Variants in SCRT2 observed in about 807,000 individuals in gnomAD.
SCRT2 encodes the protein scratch family transcriptional repressor 2, also known as transcriptional repressor scratch 2.
Under a neutral mutation model 3.7 loss-of-function variants are expected in SCRT2, and 2 were observed. The observed-to-expected ratio is 0.54, with a 90% confidence interval of 0.22 to 1.70. SCRT2 has a LOEUF of 1.70. SCRT2 is among the 40% of genes most tolerant of loss of function. The probability of loss-of-function intolerance (pLI) is 0.19; values close to 1 mark genes in which losing one functional copy is unlikely to be tolerated. For synonymous variants in SCRT2, 256 were observed against 220.6 expected, an observed-to-expected ratio of 1.16 and a Z score of -1.42; for missense variants, 456 against 468.5, an observed-to-expected ratio of 0.97 and a Z score of 0.25.
rs956268953 is a variant in SCRT2 at position 663,054 on chromosome 20, A to T, written c.*617T>A. On this transcript the variant is annotated 3_prime_UTR_variant, in exon 2 of 2. Transcript: ENST00000246104. This position sits in a 1 kb window ranked among gnomAD's most constrained non-coding sequence, Gnocchi z 6.9. The stretch of plus-strand genomic sequence containing the variant: ...GGCCAGACCTAAGGCCTGAGCATGG[A>T]TGGGATCAGGGACAGATCGGAGACT... The T allele has an allele frequency of 1.3e-5, 2 of 152,668 alleles. No homozygotes were observed. Among genetic ancestry groups the T allele is most frequent in the African/African-American group, 2.4e-5 (1 of 41,418 alleles). The allele number at this position is 152,668 out of a possible 1,614,324, so 9.5% of individuals were successfully genotyped here. A position where few individuals can be genotyped will look rare whatever the true frequency, so the allele number is the denominator to read the frequency against.
rs974424848 is a variant in SCRT2 at position 662,135 on chromosome 20, G to C, written c.*1536C>G. 4 of 152,930 alleles carry C rather than the reference G, an allele frequency of 2.6e-5. No homozygotes were observed. The highest frequency in any genetic ancestry group is 4.4e-5 in the Non-Finnish European group (3 of 68,302). 9.5% of individuals were successfully genotyped at this position (152,930 alleles called of 1,614,324 possible). ...AGCGGAGGAGGTAGTGGCGGCCAAC[G>C]GGCGGGTGGCTGGCAGCCCGGCCCC... On this transcript the variant is annotated 3_prime_UTR_variant, in exon 2 of 2. Transcript: ENST00000246104.
At chr20:669,475 G>A (rs1023506004) in intron 1 of SCRT2, among the ~76,000 whole-genome samples, 2 of 152,136 alleles carry the variant, frequency 1.3e-5, no homozygotes, top group African/African-American at 4.8e-5. Context: ...CTCCCAAGGT[G>A]CCAAACTTTC....
Position 675,460 on chromosome 20 carries a change from C to T in SCRT2, c.133+9G>A, listed in dbSNP as rs527965965. The T allele has an allele frequency of 6.0e-4, 789 of 1,320,286 alleles. 3 individuals are homozygous for T. The highest frequency in any genetic ancestry group is 2.7e-3 in the South Asian group (118 of 42,984). The allele number at this position is 1,320,286 out of a possible 1,614,324, so 81.8% of individuals were successfully genotyped here. Reference sequence around the variant, plus strand: ...TCCCAACCCCCCGCCCCCGCCGGGTCCCACTCACCGTTGTCCCCGGGAGGC... The same window carrying T: ...TCCCAACCCCCCGCCCCCGCCGGGTTCCACTCACCGTTGTCCCCGGGAGGC... On this transcript the variant is annotated intron_variant, in intron 1 of 1. Coordinates refer to ENST00000246104, the MANE Select transcript of SCRT2 (RefSeq NM_033129.4). This position sits in a 1 kb window ranked among gnomAD's most constrained non-coding sequence, Gnocchi z 6.9.
rs1470886286 is a variant in SCRT2 at position 664,206 on chromosome 20, C to G, written c.389G>C (p.Gly130Ala). 8 of 1,183,608 alleles carry G rather than the reference C, an allele frequency of 6.8e-6. No individual in the cohort carries two copies. The highest frequency in any genetic ancestry group is 7.3e-6 in the Non-Finnish European group (7 of 955,258). 73.3% of individuals were successfully genotyped at this position (1,183,608 alleles called of 1,614,324 possible). Reference sequence around the variant, plus strand: ...GGCGCCCCCCGCGTCTCCCGAGCCCCCCGCGTCCCCGCCGCCCCCGCCCCG... The same window carrying G: ...GGCGCCCCCCGCGTCTCCCGAGCCCGCCGCGTCCCCGCCGCCCCCGCCCCG... ...RRRGGGGGDA[G>A]GSGDAGGAGG... Residue 130 changes from glycine (G) to alanine (A), a missense_variant, in exon 2 of 2, where the codon GGG becomes GCG. By Grantham distance (60) the Gly-to-Ala change is moderately conservative (BLOSUM62 0). Coordinates refer to ENST00000246104, the MANE Select transcript of SCRT2 (RefSeq NM_033129.4). The surrounding 1 kb of genome is among the most constrained non-coding windows in gnomAD (Gnocchi z 7.9).
Position 667,861 on chromosome 20 carries a change from A to G in SCRT2, c.134-3400T>C, listed in dbSNP as rs555460919. Among the ~76,000 whole-genome samples the G allele has an allele frequency of 6.6e-6, 1 of 152,236 alleles. No homozygotes were observed. Among genetic ancestry groups the G allele is most frequent in the East Asian group, 1.9e-4 (1 of 5,176 alleles). On this transcript the variant is annotated intron_variant, in intron 1 of 1. Coordinates refer to ENST00000246104, the MANE Select transcript of SCRT2 (RefSeq NM_033129.4). This position sits in a 1 kb window ranked among gnomAD's most constrained non-coding sequence, Gnocchi z 4.4. Reference sequence around the variant, plus strand: ...CTTTGTGACTGTGGCCAGGTTGCTTAACCTTTCTGGGCGGAATCTATACAT... The same window carrying G: ...CTTTGTGACTGTGGCCAGGTTGCTTGACCTTTCTGGGCGGAATCTATACAT...
Position 662,941 on chromosome 20 carries a change from C to CTGGGAG in SCRT2, c.*724_*729dup, listed in dbSNP as rs1312279328. ...GAGGTGAGGGCAGCTGGAGCTGGGG[C>CTGGGAG]TGGGAGTGGGTGATGAGATCCCCAT... On this transcript the variant is annotated 3_prime_UTR_variant, in exon 2 of 2. Transcript: ENST00000246104. The CTGGGAG allele has an allele frequency of 6.5e-6, 1 of 152,828 alleles. No homozygotes were observed. The highest frequency in any genetic ancestry group is 1.5e-5 in the Non-Finnish European group (1 of 68,556). The allele number at this position is 152,828 out of a possible 1,614,324, so 9.5% of individuals were successfully genotyped here. A position where few individuals can be genotyped will look rare whatever the true frequency, so the allele number is the denominator to read the frequency against.
rs561664276 is a variant in SCRT2 at position 666,156 on chromosome 20, G to T, written c.134-1695C>A. 3.3e-5 allele frequency among the ~76,000 whole-genome samples: 5 copies of T among 152,110 alleles called. No individual in the cohort carries two copies. Among genetic ancestry groups the T allele is most frequent in the African/African-American group, 1.2e-4 (5 of 41,410 alleles). Reference sequence around the variant, plus strand: ...TTATGGAAGTGGATGACTCGGAAGCGGGGGGCTCTGTGGTTGGATGTAAAG... The same window carrying T: ...TTATGGAAGTGGATGACTCGGAAGCTGGGGGCTCTGTGGTTGGATGTAAAG... On this transcript the variant is annotated intron_variant, in intron 1 of 1. Coordinates refer to ENST00000246104, the MANE Select transcript of SCRT2 (RefSeq NM_033129.4). This position sits in a 1 kb window ranked among gnomAD's most constrained non-coding sequence, Gnocchi z 4.4.
At position 675,543 on chromosome 20, in the gene SCRT2, AC is replaced by A; in HGVS notation, c.58del (p.Val20CysfsTer83). 7.2e-7 allele frequency: 1 copy of A among 1,390,316 alleles called. No homozygotes were observed. The highest frequency in any genetic ancestry group is 9.4e-7 in the Non-Finnish European group (1 of 1,068,634). The allele number at this position is 1,390,316 out of a possible 1,614,324, so 86.1% of individuals were successfully genotyped here. ...CAAGGGGTGGTAGGTGGGGGCCGGC[AC>A]CCCGCTGCACTGGAAGCCGTCCCCT... ...IKGDGFQCSG[V>X]PAPTYHPLET... On this transcript the variant is annotated frameshift_variant, in exon 1 of 2. Coordinates refer to ENST00000246104, the MANE Select transcript of SCRT2 (RefSeq NM_033129.4). LOFTEE classifies it high-confidence loss of function. The surrounding 1 kb of genome is among the most constrained non-coding windows in gnomAD (Gnocchi z 6.9).
Position 662,287 on chromosome 20 carries a change from A to G in SCRT2, c.*1384T>C, listed in dbSNP as rs974771851. ...CCTGGGGTCCCTCGGGAAGAAGAAT[A>G]AACAGGAAACAAATCGAAGAGGCTC... On this transcript the variant is annotated 3_prime_UTR_variant, in exon 2 of 2. Coordinates refer to ENST00000246104, the MANE Select transcript of SCRT2 (RefSeq NM_033129.4). The G allele has an allele frequency of 1.3e-5, 2 of 152,716 alleles. No individual in the cohort carries two copies. Among genetic ancestry groups the G allele is most frequent in the Admixed American group, 6.5e-5 (1 of 15,294 alleles). 9.5% of individuals were successfully genotyped at this position (152,716 alleles called of 1,614,324 possible).
chr20:664,250 G>A lies in SCRT2; in HGVS notation c.345C>T (p.Asp115=). ...CGCCCCGCCGCCGCCGCGAGCGCCC[G>A]TCCGAGATGAAGAAGGCGTCCATGG... ...SYSMDAFFIS[D]GRSRRRRGGG... is the part of the protein sequence containing the mutation. The change falls in exon 2 of 2, where the codon GAC becomes GAT. Residue 115 remains aspartate, a synonymous_variant. Transcript: ENST00000246104. The surrounding 1 kb of genome is among the most constrained non-coding windows in gnomAD (Gnocchi z 7.9). The A allele has an allele frequency of 1.5e-6, 2 of 1,371,306 alleles. No homozygotes were observed. Among genetic ancestry groups the A allele is most frequent in the Non-Finnish European group, 1.9e-6 (2 of 1,046,740 alleles). 84.9% of individuals were successfully genotyped at this position (1,371,306 alleles called of 1,614,324 possible).
intron 1 of SCRT2, among the ~76,000 whole-genome samples, chr20:671,064 A>G (rs960553017): frequency 2.6e-5 from 4 of 152,180 alleles, no homozygotes; most frequent in Non-Finnish European, 5.9e-5. Flanking sequence ...CTAAGACTTG[A>G]ACTCAGCCCA....
At chr20:669,954 C>T (rs988151163) in intron 1 of SCRT2, among the ~76,000 whole-genome samples, 5 of 152,218 alleles carry the variant, frequency 3.3e-5, no homozygotes, top group Admixed American at 2.6e-4. Context: ...TCTGGCCCAA[C>T]ATGACCAACG....
At position 664,563 on chromosome 20, in the gene SCRT2, T is replaced by A. The variant is rs561795391; in HGVS notation, c.134-102A>T. 1.5e-5 allele frequency: 13 copies of A among 845,438 alleles called. No individual in the cohort carries two copies. Among genetic ancestry groups the A allele is most frequent in the Non-Finnish European group, 2.0e-5 (13 of 634,150 alleles). The allele number at this position is 845,438 out of a possible 1,614,324, so 52.4% of individuals were successfully genotyped here. On this transcript the variant is annotated intron_variant, in intron 1 of 1. Coordinates refer to ENST00000246104, the MANE Select transcript of SCRT2 (RefSeq NM_033129.4). This position sits in a 1 kb window ranked among gnomAD's most constrained non-coding sequence, Gnocchi z 7.9. ...TGCGCCTTCCAGCTTGGCGCCCCTG[T>A]GGCAGCTCCGACAGTGGTGGTCTCC... is the stretch of plus-strand genomic sequence containing the variant.
chr20:675,055 C>G lies in SCRT2; in HGVS notation c.133+414G>C, dbSNP rs1426823111. Among the ~76,000 whole-genome samples, 1 of 152,130 alleles carries G rather than the reference C, an allele frequency of 6.6e-6. No individual in the cohort carries two copies. On this transcript the variant is annotated intron_variant, in intron 1 of 1. Coordinates refer to ENST00000246104, the MANE Select transcript of SCRT2 (RefSeq NM_033129.4). This position sits in a 1 kb window ranked among gnomAD's most constrained non-coding sequence, Gnocchi z 6.9. ...CCTGTCTCTCCAGGGACTGAACATCCAGGGCTCTTTACCTTCCCCCTTCCC... is the reference window on the plus strand; with the variant it reads ...CCTGTCTCTCCAGGGACTGAACATCGAGGGCTCTTTACCTTCCCCCTTCCC...
chr20:671,881 G>A (rs1320136371), intron 1 of SCRT2, among the ~76,000 whole-genome samples: 1 of 152,160 alleles, frequency 6.6e-6, no homozygotes, highest in Non-Finnish European at 1.5e-5. Context: ...GCTGGGGTTC[G>A]GAGTTAAGGT....
Position 666,471 on chromosome 20 carries a change from C to T in SCRT2, c.134-2010G>A, listed in dbSNP as rs1241927063. 6.6e-6 allele frequency among the ~76,000 whole-genome samples: 1 copy of T among 152,226 alleles called. No homozygotes were observed. The highest frequency in any genetic ancestry group is 2.4e-5 in the African/African-American group (1 of 41,464). On this transcript the variant is annotated intron_variant, in intron 1 of 1. Coordinates refer to ENST00000246104, the MANE Select transcript of SCRT2 (RefSeq NM_033129.4). The surrounding 1 kb of genome is among the most constrained non-coding windows in gnomAD (Gnocchi z 4.4). ...ATATTCACTGAGCACTTACTGTGTGCACCAGGCTCTGTGCTAAGTGCTTCG... is the reference window on the plus strand; with the variant it reads ...ATATTCACTGAGCACTTACTGTGTGTACCAGGCTCTGTGCTAAGTGCTTCG...
In SCRT2 at chr20:675,441, C is replaced by CCCCCCG. The variant is rs1984498714; in HGVS notation, c.133+22_133+27dup. The CCCCCCG allele has an allele frequency of 7.7e-7, 1 of 1,292,830 alleles. No individual in the cohort carries two copies. The highest frequency in any genetic ancestry group is 1.5e-5 in the African/African-American group (1 of 65,452). The allele number at this position is 1,292,830 out of a possible 1,614,324, so 80.1% of individuals were successfully genotyped here. On this transcript the variant is annotated intron_variant, in intron 1 of 1. Transcript: ENST00000246104. This position sits in a 1 kb window ranked among gnomAD's most constrained non-coding sequence, Gnocchi z 6.9. ...CAGCTCCCCTCGCCTCTTCTCCCAA[C>CCCCCCG]CCCCCGCCCCCGCCGGGTCCCACTC...
chr20:668,337 C>T (rs1984221844), intron 1 of SCRT2, among the ~76,000 whole-genome samples: 2 of 152,162 alleles, frequency 1.3e-5, no homozygotes, highest in Non-Finnish European at 1.5e-5. Context: ...CATACTTTAA[C>T]CTAATGCATG....
chr20:673,887 G>A (rs1984424706), intron 1 of SCRT2, among the ~76,000 whole-genome samples: 1 of 152,158 alleles, frequency 6.6e-6, no homozygotes, highest in Non-Finnish European at 1.5e-5. Context: ...TCCCAAGCTT[G>A]CAGATATTTC....
Sources: gnomAD v4.1 joint callset for allele counts (sites outside exome capture counted in the v4.1 genomes callset) on GRCh38, gnomAD v4.1.1 for gene constraint, Gnocchi (gnomAD v3.1) non-coding constraint, MANE v1.5 for transcripts, NCBI Gene and HGNC (gene_info 2026-07-23, HGNC 2026-07-21) for gene names.